The following CPNE4 variants were observed in gnomAD, a reference collection of about 807,000 sequenced individuals.
CPNE4 encodes copine 4, also known as copine-4.
Under a neutral mutation model 67.9 loss-of-function variants are expected in CPNE4, and 25 were observed. The ratio of observed to expected loss-of-function variants is 0.37; its 90% CI spans 0.27 to 0.51. The LOEUF (loss-of-function observed/expected upper bound fraction) is 0.51. Ranked by LOEUF, CPNE4 falls within the 20% of genes least tolerant of loss-of-function variation. The pLI, the probability that CPNE4 is intolerant of heterozygous loss-of-function variation, is 0.93. For synonymous variants in CPNE4, 242 were observed against 244.9 expected, an observed-to-expected ratio of 0.99 and a Z score of 0.11; for missense variants, 464 against 690.8, an observed-to-expected ratio of 0.67 and a Z score of 3.68.
intron 1 of CPNE4, among the ~76,000 whole-genome samples, chr3:131,919,697 A>C (rs1298679090): frequency 1.3e-5 from 2 of 152,194 alleles, no homozygotes; most frequent in African/African-American, 4.8e-5. Context: ...TTACTTAAAA[A>C]GTAAATAATA....
chr3:131,752,245 G>A (rs1190212637), intron 2 of CPNE4, among the ~76,000 whole-genome samples: 1 of 152,024 alleles, frequency 6.6e-6, no homozygotes, highest in African/African-American at 2.4e-5. Flanking sequence ...TGAGAGGGTA[G>A]AAGTCTCCCC....
At chr3:131,672,527 A>G (rs977797290) in intron 6 of CPNE4, among the ~76,000 whole-genome samples, 6 of 152,010 alleles carry the variant, frequency 3.9e-5, no homozygotes, top group Non-Finnish European at 7.4e-5. Context: ...AAAAGTTAAT[A>G]TTAACTGAGG....
intron 1 of CPNE4, among the ~76,000 whole-genome samples, chr3:132,017,087 G>A (rs137895041): frequency 1.9e-3 from 296 of 152,272 alleles, no homozygotes; most frequent in African/African-American, 6.3e-3. Flanking sequence ...AATGTCCCTC[G>A]GTAGCCAGAA....
chr3:131,718,171 T>G (rs572470492), intron 3 of CPNE4, among the ~76,000 whole-genome samples: 13 of 152,064 alleles, frequency 8.5e-5, no homozygotes, highest in Admixed American at 7.2e-4. Flanking sequence ...ATATTTTGTA[T>G]TTTTAGTAGA....
intron 2 of CPNE4, among the ~76,000 whole-genome samples, chr3:131,744,650 G>A (rs1408467981): frequency 6.6e-6 from 1 of 152,020 alleles, no homozygotes; most frequent in Non-Finnish European, 1.5e-5. Flanking sequence ...CTATCATTTT[G>A]TCAATTCAAG....
At chr3:131,969,061 A>T (rs889533117) in intron 1 of CPNE4, among the ~76,000 whole-genome samples, 1 of 151,600 alleles carries the variant, frequency 6.6e-6, no homozygotes, top group Non-Finnish European at 1.5e-5. Context: ...TTGCAGGGAC[A>T]TGGATGAAGC....
chr3:131,947,228 TTTTTTTA>T (rs930673759), intron 1 of CPNE4, among the ~76,000 whole-genome samples: 3 of 129,334 alleles, frequency 2.3e-5, no homozygotes, highest in Non-Finnish European at 5.4e-5. Context: ...TGTTTTCCCC[TTTTTTTA>T]TTTTTTAAGT....
At chr3:131,899,338 C>A (rs2088462832) in intron 2 of CPNE4, among the ~76,000 whole-genome samples, 1 of 152,212 alleles carries the variant, frequency 6.6e-6, no homozygotes, top group African/African-American at 2.4e-5. Flanking sequence ...TTAAAGACCC[C>A]ACATTGCCAG....
At chr3:131,983,135 C>A (rs2072951127) in intron 1 of CPNE4, among the ~76,000 whole-genome samples, 1 of 152,044 alleles carries the variant, frequency 6.6e-6, no homozygotes, top group Non-Finnish European at 1.5e-5. Flanking sequence ...GATTAATAAC[C>A]ATTACCTTGT....
intron 2 of CPNE4, among the ~76,000 whole-genome samples, chr3:131,728,701 G>C (rs1247216982): frequency 6.6e-6 from 1 of 151,938 alleles, no homozygotes; most frequent in Admixed American, 6.6e-5. Flanking sequence ...ACGAGGTCAG[G>C]AGATGGAGAC....
chr3:131,863,016 T>C (rs1341428832), intron 2 of CPNE4, among the ~76,000 whole-genome samples: 2 of 151,688 alleles, frequency 1.3e-5, no homozygotes, highest in Non-Finnish European at 2.9e-5. Context: ...GCTTCATCCA[T>C]GTCCCTACAA....
intron 2 of CPNE4, among the ~76,000 whole-genome samples, chr3:131,884,040 CTTTA>C (rs1027257609): frequency 3.9e-5 from 6 of 152,286 alleles, no homozygotes; most frequent in African/African-American, 1.2e-4. Context: ...CCATTTCCTG[CTTTA>C]TTTTTGTTTC....
At chr3:131,750,239 A>G (rs1363025122) in intron 2 of CPNE4, among the ~76,000 whole-genome samples, 2 of 152,212 alleles carry the variant, frequency 1.3e-5, no homozygotes. Flanking sequence ...CATAGAGAGC[A>G]TATAACTGGG....
chr3:131,787,414 G>A (rs1013956685), intron 2 of CPNE4, among the ~76,000 whole-genome samples: 14 of 152,120 alleles, frequency 9.2e-5, no homozygotes, highest in South Asian at 4.1e-4. Flanking sequence ...GAGCAAATAC[G>A]ATCTGTCAGA....
chr3:131,789,035 CAG>C (rs71136414), intron 2 of CPNE4, among the ~76,000 whole-genome samples: 2,067 of 136,932 alleles, frequency 0.015, 58 homozygotes, highest in East Asian at 0.1. Flanking sequence ...CACACACACA[CAG>C]AGAGAGAGAG....
intron 2 of CPNE4, among the ~76,000 whole-genome samples, chr3:131,801,558 A>G (rs1425475963): frequency 3.4e-5 from 5 of 147,970 alleles, no homozygotes; most frequent in Admixed American, 1.4e-4. Flanking sequence ...AAACAATAGT[A>G]GAATCAAAAT....
chr3:131,550,718 G>T (rs1457616031), intron 13 of CPNE4, among the ~76,000 whole-genome samples: 1 of 152,090 alleles, frequency 6.6e-6, no homozygotes, highest in African/African-American at 2.4e-5. Context: ...TGCTCACCAA[G>T]TGTGTGATGA....
chr3:131,539,817 A>T (rs1403171691), intron 15 of CPNE4, among the ~76,000 whole-genome samples: 1 of 152,168 alleles, frequency 6.6e-6, no homozygotes, highest in East Asian at 1.9e-4. Context: ...GTATTCAGTG[A>T]TGTGTCTATC....
chr3:131,890,267 A>G (rs1400461616), intron 2 of CPNE4, among the ~76,000 whole-genome samples: 1 of 152,084 alleles, frequency 6.6e-6, no homozygotes, highest in African/African-American at 2.4e-5. Context: ...GATTTTTTAA[A>G]TGGGCAAAGG....
Sources: gnomAD v4.1 joint callset for allele counts (sites outside exome capture counted in the v4.1 genomes callset) on GRCh38, gnomAD v4.1.1 for gene constraint, MANE v1.5 for transcripts, NCBI Gene and HGNC (gene_info 2026-07-23, HGNC 2026-07-21) for gene names.